BNC2: variants seen among roughly 807,000 people sequenced by gnomAD.
BNC2 encodes zinc finger protein basonuclin-2.
Under a neutral mutation model 76.3 loss-of-function variants are expected in BNC2, and 20 were observed. That is an observed-to-expected ratio of 0.26 (90% CI 0.18 to 0.38). The LOEUF is 0.38. Among genes scored for constraint, BNC2 ranks in the 10% least tolerant of loss-of-function variants. The pLI is 1.00. For synonymous variants in BNC2, 582 were observed against 514.8 expected, an observed-to-expected ratio of 1.13 and a Z score of -1.77; for missense variants, 1,382 against 1,399.8, an observed-to-expected ratio of 0.99 and a Z score of 0.20.
At chr9:16,701,655 T>A (rs903935694) in intron 3 of BNC2, among the ~76,000 whole-genome samples, 2 of 152,004 alleles carry the variant, frequency 1.3e-5, no homozygotes, top group South Asian at 4.2e-4. Context: ...ATAAAGACCA[T>A]CTACAGGCAG....
In BNC2 at chr9:16,727,847, C is replaced by T; in HGVS notation, c.280G>A (p.Gly94Arg). ...TTAGTATCAGCGTTTTGCCATGTCC[C>T]CATGAACCCTGGTTCAGCCGTAGTC... is the stretch of plus-strand genomic sequence containing the variant. ...RTTTAEPGFM[G>R]TWQNADTNLL... Residue 94 changes from glycine to arginine, a missense_variant, in exon 3 of 7, where the codon GGG becomes AGG. Physicochemically the swap from Gly to Arg is moderately radical, Grantham distance 125. Around this residue, in one of 3 missense-constraint regions of BNC2, gnomAD observed 557 missense variants for 540.9 expected, o/e 1.03. Transcript: ENST00000380672. 1.9e-6 allele frequency: 3 copies of T among 1,614,158 alleles called. No individual in the cohort carries two copies. The highest frequency in any genetic ancestry group is 1.7e-6 in the Non-Finnish European group (2 of 1,180,036).
chr9:16,738,107 C>T (rs1824732287), intron 2 of BNC2, among the ~76,000 whole-genome samples: 1 of 151,932 alleles, frequency 6.6e-6, no homozygotes, highest in African/African-American at 2.4e-5. Flanking sequence ...GGGAGAGAAA[C>T]AATAGAAGGC....
At chr9:16,729,245 C>G (rs557684288) in intron 2 of BNC2, among the ~76,000 whole-genome samples, 21 of 152,262 alleles carry the variant, frequency 1.4e-4, no homozygotes, top group Admixed American at 9.2e-4. Context: ...TAAATTCATG[C>G]CATCTCATAA....
intron 1 of BNC2, among the ~76,000 whole-genome samples, chr9:16,840,759 A>G (rs184803094): frequency 2.6e-5 from 4 of 152,346 alleles, no homozygotes; most frequent in South Asian, 2.1e-4. Context: ...AAACATTTCA[A>G]TCATAGTTAT....
intron 4 of BNC2, among the ~76,000 whole-genome samples, chr9:16,563,544 G>A (rs1337786523): frequency 6.6e-6 from 1 of 152,122 alleles, no homozygotes. Context: ...AACAATATCT[G>A]AGTAATACGT....
At chr9:16,471,096 C>T (rs781234505) in intron 5 of BNC2, among the ~76,000 whole-genome samples, 3 of 152,190 alleles carry the variant, frequency 2.0e-5, no homozygotes, top group Admixed American at 6.5e-5. Context: ...CCTCTTACAT[C>T]AGCGTGATGT....
intron 5 of BNC2, among the ~76,000 whole-genome samples, chr9:16,501,214 A>T (rs1259247404): frequency 6.6e-6 from 1 of 152,202 alleles, no homozygotes; most frequent in Non-Finnish European, 1.5e-5. Flanking sequence ...ACAATAACAG[A>T]AATGTAATTA....
At chr9:16,445,169 A>T (rs1821205808) in intron 5 of BNC2, among the ~76,000 whole-genome samples, 3 of 152,216 alleles carry the variant, frequency 2.0e-5, no homozygotes, top group Admixed American at 2.0e-4. Context: ...AATTTCTGAG[A>T]AACACTTAAA....
At chr9:16,813,561 A>G (rs34790477) in intron 1 of BNC2, among the ~76,000 whole-genome samples, 62,901 of 152,024 alleles carry the variant, frequency 0.41, 15,732 homozygotes, top group Non-Finnish European at 0.58. Flanking sequence ...CACCGCGCCC[A>G]GCCAAAAAAC....
At chr9:16,794,774 G>T (rs1457563645) in intron 1 of BNC2, among the ~76,000 whole-genome samples, 3 of 152,028 alleles carry the variant, frequency 2.0e-5, no homozygotes, top group Admixed American at 1.3e-4. Flanking sequence ...ACTTTTGGGG[G>T]TTTAGACCTC....
At chr9:16,564,107 A>C (rs1318880823) in intron 4 of BNC2, among the ~76,000 whole-genome samples, 1 of 152,138 alleles carries the variant, frequency 6.6e-6, no homozygotes, top group East Asian at 1.9e-4. Flanking sequence ...TAATGACAGA[A>C]AGCAACAATT....
chr9:16,418,162 T>C lies in BNC2; in HGVS notation c.*827A>G, dbSNP rs961997323. On this transcript the variant is annotated 3_prime_UTR_variant, in exon 7 of 7. Transcript: ENST00000380672. ...TTATTACACATCCCCTTGTAGTGTA[T>C]GAAAAAAAGTGCATGACGGGATTTA... is the stretch of plus-strand genomic sequence containing the variant. The C allele has an allele frequency of 6.6e-6, 1 of 152,606 alleles. No individual in the cohort carries two copies. The highest frequency in any genetic ancestry group is 2.1e-4 in the South Asian group (1 of 4,834). The allele number at this position is 152,606 out of a possible 1,614,324, so 9.5% of individuals were successfully genotyped here.
Position 16,735,916 on chromosome 9 carries a change from T to C in BNC2, c.129+2444A>G, listed in dbSNP as rs558129687. Among the ~76,000 whole-genome samples the C allele has an allele frequency of 2.6e-5, 4 of 152,144 alleles. No homozygotes were observed. In the East Asian group the frequency reaches 5.8e-4, roughly 22 times the overall value. Reference sequence around the variant, plus strand: ...TTTAAATTACTGTCAGAAAAGAAGATTGAGATTCACCAACATCCAAGAAAA... The same window carrying C: ...TTTAAATTACTGTCAGAAAAGAAGACTGAGATTCACCAACATCCAAGAAAA... On this transcript the variant is annotated intron_variant, in intron 2 of 6. Transcript: ENST00000380672.
intron 3 of BNC2, among the ~76,000 whole-genome samples, chr9:16,624,531 G>T (rs887346830): frequency 6.6e-6 from 1 of 152,088 alleles, no homozygotes; most frequent in Admixed American, 6.6e-5. Context: ...CACTTGAGTC[G>T]TCTGCTGCAT....
chr9:16,726,558 T>TAAA lies in BNC2; in HGVS notation c.330+1238_330+1239insTTT, dbSNP rs1563916666. Among the ~76,000 whole-genome samples the TAAA allele has an allele frequency of 2.3e-4, 24 of 103,206 alleles. No individual in the cohort carries two copies. The East Asian group carries it at 7.3e-3, about 31-fold the overall frequency. 67.7% of individuals were successfully genotyped at this position (103,206 alleles called of 152,430 possible). A position where few individuals can be genotyped will look rare whatever the true frequency, so the allele number is the denominator to read the frequency against. ...GTGAACTCTTACAAACAAAAGCTTT[T>TAAA]TAAAAAAAAAAAAAAAAAAAGCAGT... On this transcript the variant is annotated intron_variant, in intron 3 of 6. Transcript: ENST00000380672.
chr9:16,759,746 CAG>C (rs1197122587), intron 1 of BNC2, among the ~76,000 whole-genome samples: 1 of 142,974 alleles, frequency 7.0e-6, no homozygotes, highest in African/African-American at 2.6e-5. Flanking sequence ...TTTTTTGACA[CAG>C]AGTCTCGCTC....
intron 1 of BNC2, among the ~76,000 whole-genome samples, chr9:16,789,492 T>C (rs114008993): frequency 0.017 from 2,550 of 152,278 alleles, 78 homozygotes; most frequent in African/African-American, 0.058. Flanking sequence ...CTCAACTTTT[T>C]AAAATGTCCT....
At chr9:16,791,489 T>C (rs929780946) in intron 1 of BNC2, among the ~76,000 whole-genome samples, 6 of 152,180 alleles carry the variant, frequency 3.9e-5, no homozygotes, top group African/African-American at 1.2e-4. Context: ...TATCTGCATT[T>C]AGCAAATACA....
chr9:16,809,148 G>C (rs1169854215), intron 1 of BNC2, among the ~76,000 whole-genome samples: 2 of 152,116 alleles, frequency 1.3e-5, no homozygotes, highest in Non-Finnish European at 2.9e-5. Context: ...CTGGGTCTAA[G>C]TGCCCTTTGT....
Sources: allele counts gnomAD v4.1 joint callset (sites outside exome capture counted in the v4.1 genomes callset), GRCh38; gene constraint gnomAD v4.1.1; regional missense constraint gnomAD v4.1.1; transcripts MANE v1.5; gene names NCBI Gene and HGNC (gene_info 2026-07-23, HGNC 2026-07-21).